NPRL3: variants seen among roughly 807,000 people sequenced by gnomAD.
NPRL3 encodes the protein NPR3 like, GATOR1 complex subunit.
In NPRL3, 23 loss-of-function variants were observed where a neutral mutation model predicts 57.2. The ratio of observed to expected loss-of-function variants is 0.40; its 90% confidence interval spans 0.29 to 0.57. The LOEUF is 0.57. NPRL3 is among the 20% of genes least tolerant of loss of function. The pLI is 0.42. For missense variants in NPRL3, 691 were observed against 767.1 expected, an observed-to-expected ratio of 0.90 and a Z score of 1.17; for synonymous variants, 333 against 321.1, an observed-to-expected ratio of 1.04 and a Z score of -0.39.
chr16:93,256 T>C lies in NPRL3; in HGVS notation c.994A>G (p.Asn332Asp). Reference sequence around the variant, plus strand: ...GCATTGGGAGACAGCATGTAGACGTTGTTCTCACACAGCGGGTAGATGATG... The same window carrying C: ...GCATTGGGAGACAGCATGTAGACGTCGTTCTCACACAGCGGGTAGATGATG... ...AIIIYPLCEN[N>D]VYMLSPNASV... is the part of the protein sequence containing the mutation. The change falls in exon 10 of 14, where the codon AAC (asparagine) becomes GAC (aspartate). Residue 332 changes from asparagine to aspartate, a missense_variant. By Grantham distance (23) the Asn-to-Asp change is conservative (BLOSUM62 1). Transcript: ENST00000611875. 6.4e-7 allele frequency: 1 copy of C among 1,560,062 alleles called. No homozygotes were observed. Among genetic ancestry groups the C allele is most frequent in the Non-Finnish European group, 8.7e-7 (1 of 1,151,970 alleles).
At chr16:110,640 C>A in intron 6 of NPRL3, 34 bp from the exon 7 acceptor site, 7 of 1,537,996 alleles carry the variant, frequency 4.6e-6, no homozygotes, top group East Asian at 2.3e-5. Flanking sequence ...TTACAGCTCC[C>A]GGGTTCAAGC....
rs182988578 is a variant in NPRL3, at chr16:86,381, C to G, written c.*324G>C. ...ACAGAAGGAGGGTCTGAGAAACGCA[C>G]AGCCCACATGGGCCTTGAAGGATGC... is the stretch of plus-strand genomic sequence containing the variant. On this transcript the variant is annotated 3_prime_UTR_variant, in exon 14 of 14. Transcript: ENST00000611875. 162 of 314,384 alleles carry G rather than the reference C, an allele frequency of 5.2e-4. 1 individual carries two copies. The highest frequency in any genetic ancestry group is 3.2e-3 in the African/African-American group (154 of 48,270). The allele number at this position is 314,384 out of a possible 1,614,324, so 19.5% of individuals were successfully genotyped here.
Position 85,398 on chromosome 16 carries a change from CAG to C in NPRL3, c.*1305_*1306del, listed in dbSNP as rs776400933. The C allele has an allele frequency of 1.3e-6, 2 of 1,598,992 alleles. No individual in the cohort carries two copies. The highest frequency in any genetic ancestry group is 1.9e-4 in the Middle Eastern group (1 of 5,172). On this transcript the variant is annotated 3_prime_UTR_variant, in exon 14 of 14. Coordinates refer to ENST00000611875, the MANE Select transcript of NPRL3 (RefSeq NM_001077350.3). ...CTCCACTTCCAAACTGTCCGTCCCA[CAG>C]GGGACGGGGCTTGCGTCTTGCTGCG...
At chr16:112,918 T>G in intron 5 of NPRL3, 143 bp from the exon 6 acceptor site, 1 of 761,460 alleles carries the variant, frequency 1.3e-6, no homozygotes, top group East Asian at 3.0e-5. Flanking sequence ...CAGGCTCCTT[T>G]GCAGAGGCCA....
chr16:117,188 G>T, intron 5 of NPRL3, 113 bp downstream of exon 5: 1 of 693,034 alleles, frequency 1.4e-6, no homozygotes, highest in South Asian at 1.9e-5. Flanking sequence ...ACCCCAGGAG[G>T]GGCCAGCCCG....
At chr16:89,125 C>G in intron 12 of NPRL3, 4 of 559,540 alleles carry the variant, frequency 7.1e-6, no homozygotes, top group Non-Finnish European at 1.3e-5. Context: ...GGGACCTGAA[C>G]AGAGGTGCGA....
rs559201180 is a variant in NPRL3, at chr16:136,428, G to A, written c.118+1722C>T. 5.9e-5 allele frequency among the ~76,000 whole-genome samples: 9 copies of A among 152,194 alleles called. No individual in the cohort carries two copies. The South Asian group carries it at 1.7e-3, about 28-fold the overall frequency. On this transcript the variant is annotated intron_variant, in intron 2 of 13. Transcript: ENST00000611875. Reference sequence around the variant, plus strand: ...GTGCAGGCTGGGCGCGGTGGCTCACGCCTGTAATCCCAGCACTTTGGGAGG... The same window carrying A: ...GTGCAGGCTGGGCGCGGTGGCTCACACCTGTAATCCCAGCACTTTGGGAGG...
chr16:111,621 T>G (rs900265051), intron 6 of NPRL3, among the ~76,000 whole-genome samples: 7 of 151,648 alleles, frequency 4.6e-5, no homozygotes. Context: ...GGCTAATTTT[T>G]GGGTTTTTTT....
At chr16:138,392 G>A (rs1337787686) in intron 1 of NPRL3, 58 bp from the exon 2 acceptor site, 3 of 648,798 alleles carry the variant, frequency 4.6e-6, no homozygotes, top group East Asian at 4.0e-5. Flanking sequence ...CGGGGACGCA[G>A]GGGGCCTGAG....
chr16:89,786 G>C lies in NPRL3; in HGVS notation c.1278C>G (p.Asp426Glu), dbSNP rs74712570. The C allele has an allele frequency of 4.1e-3, 6,537 of 1,600,348 alleles. 167 individuals are homozygous for C. The African/African-American group carries it at 0.047, about 11-fold the overall frequency. The change falls in exon 12 of 14, where the codon GAC (aspartate) becomes GAG (glutamate). Residue 426 changes from aspartate to glutamate, a missense_variant. Coordinates refer to ENST00000611875, the MANE Select transcript of NPRL3 (RefSeq NM_001077350.3). ...PSEEEPRPRE[D>E]DVPFTARVGG... Reference sequence around the variant, plus strand: ...CGACCCGGGCAGTGAAGGGGACGTCGTCCTCTCGCGGACGGGGCTCCTCCT... The same window carrying C: ...CGACCCGGGCAGTGAAGGGGACGTCCTCCTCTCGCGGACGGGGCTCCTCCT...
In NPRL3 at chr16:130,512, G is replaced by A; in HGVS notation, c.188+10C>T. ...CACGCCCCGCCCTGAAGTGGCCGCAGAGCCTTTACCTGGAATCGCCGTCCT... is the reference window on the plus strand; with the variant it reads ...CACGCCCCGCCCTGAAGTGGCCGCAAAGCCTTTACCTGGAATCGCCGTCCT... On this transcript the variant is annotated intron_variant, in intron 3 of 13. Coordinates refer to ENST00000611875, the MANE Select transcript of NPRL3 (RefSeq NM_001077350.3). 19 of 1,549,854 alleles carry A rather than the reference G, an allele frequency of 1.2e-5. No individual in the cohort carries two copies. The highest frequency in any genetic ancestry group is 1.5e-5 in the Non-Finnish European group (17 of 1,147,196).
Position 92,836 on chromosome 16 carries a change from T to C in NPRL3, c.1032-111A>G, listed in dbSNP as rs566776521. On this transcript the variant is annotated intron_variant, in intron 10 of 13. Transcript: ENST00000611875. ...AAGTGTGGCAGGTGGGTCAGGACAG[T>C]GCGATGAGGGCAGAACGGTATGAGG... The C allele has an allele frequency of 5.3e-4, 748 of 1,407,816 alleles. 6 individuals are homozygous for C. In the Middle Eastern group the frequency reaches 0.011, roughly 20 times the overall value. The allele number at this position is 1,407,816 out of a possible 1,614,324, so 87.2% of individuals were successfully genotyped here.
At chr16:109,980 T>G (rs1899718633) in intron 7 of NPRL3, among the ~76,000 whole-genome samples, 1 of 129,822 alleles carries the variant, frequency 7.7e-6, no homozygotes, top group Non-Finnish European at 1.6e-5. Context: ...GCAAACCATT[T>G]AAAAAACAGC....
intron 3 of NPRL3, chr16:126,973 C>T (rs1043091287): frequency 3.9e-5 from 6 of 152,182 alleles, no homozygotes; most frequent in African/African-American, 1.2e-4. Flanking sequence ...CAGGCTCAAG[C>T]AATCCTCTCA....
At chr16:96,648 C>CAA (rs68086908) in intron 9 of NPRL3, among the ~76,000 whole-genome samples, 5,103 of 99,932 alleles carry the variant, frequency 0.051, 295 homozygotes, top group African/African-American at 0.14. Flanking sequence ...CCGTCTCTAC[C>CAA]AAAAAAAAAA....
intron 3 of NPRL3, chr16:119,491 T>C (rs934238255): frequency 3.7e-6 from 2 of 546,946 alleles, no homozygotes; most frequent in Admixed American, 3.2e-5. Flanking sequence ...TGAAGGCACA[T>C]GCTGTCATTT....
At chr16:130,802 C>T (rs954230954) in intron 2 of NPRL3, among the ~76,000 whole-genome samples, 20 of 152,126 alleles carry the variant, frequency 1.3e-4, no homozygotes, top group African/African-American at 4.8e-4. Flanking sequence ...GGTGCACTTA[C>T]AGTATATGAA....
At chr16:134,453 T>C (rs964336004) in intron 2 of NPRL3, among the ~76,000 whole-genome samples, 1 of 152,058 alleles carries the variant, frequency 6.6e-6, no homozygotes, top group Non-Finnish European at 1.5e-5. Flanking sequence ...AAAAAATGAA[T>C]TGAAGACATA....
intron 5 of NPRL3, among the ~76,000 whole-genome samples, chr16:115,414 CTT>C (rs1184054094): frequency 3.3e-5 from 5 of 151,650 alleles, no homozygotes; most frequent in African/African-American, 1.2e-4. Context: ...AATACAAACT[CTT>C]TACATTATCA....
Sources: gnomAD v4.1 joint callset for allele counts (sites outside exome capture counted in the v4.1 genomes callset) on GRCh38, gnomAD v4.1.1 for gene constraint, MANE v1.5 for transcripts, NCBI Gene and HGNC (gene_info 2026-07-23, HGNC 2026-07-21) for gene names.